Variants in PNPLA8 observed in about 807,000 individuals in gnomAD.
PNPLA8 encodes the protein calcium-independent phospholipase A2-gamma.
PNPLA8 carries 39 observed loss-of-function variants against 76.9 expected under a neutral mutation model. That is an observed-to-expected ratio of 0.51 (90% confidence interval 0.39 to 0.66). PNPLA8 has a LOEUF of 0.66. Ranked by LOEUF, PNPLA8 falls within the 30% of genes least tolerant of loss-of-function variation. PNPLA8 has a pLI of 0.00. For missense variants in PNPLA8, 887 were observed against 918.0 expected (o/e 0.97, Z 0.44); for synonymous variants, 301 against 307.9 (o/e 0.98, Z 0.24).
chr7:108,497,477 AATT>A lies in PNPLA8; in HGVS notation c.1453+3_1453+5del, dbSNP rs1171250933. ...GAATGCACCACTTCCATATAATAAT[AATT>A]ACCTGTGCTTACACCACAAATGTAA... On this transcript the variant is annotated splice_donor_5th_base_variant and intron_variant, in intron 6 of 10. Coordinates refer to ENST00000257694, the MANE Select transcript of PNPLA8 (RefSeq NM_001256007.3). The A allele has an allele frequency of 6.5e-7, 1 of 1,546,774 alleles. No individual in the cohort carries two copies. The highest frequency in any genetic ancestry group is 2.3e-5 in the East Asian group (1 of 44,128).
At chr7:108,487,655 A>G in intron 9 of PNPLA8, 104 bp downstream of exon 9, 1 of 559,516 alleles carries the variant, frequency 1.8e-6, no homozygotes, top group Non-Finnish European at 3.0e-6. Context: ...CACAAAGAAG[A>G]AAGTCTCCTA....
At chr7:108,472,874 A>C (rs1859722522) in intron 10 of PNPLA8, among the ~76,000 whole-genome samples, 199 bp from the exon 11 acceptor site, 1 of 152,184 alleles carries the variant, frequency 6.6e-6, no homozygotes, top group South Asian at 2.1e-4. Flanking sequence ...CATCTTCCAA[A>C]ATACATTATT....
intron 9 of PNPLA8, among the ~76,000 whole-genome samples, chr7:108,486,973 T>C (rs1230143770): frequency 5.3e-5 from 8 of 152,100 alleles, no homozygotes; most frequent in Non-Finnish European, 1.0e-4. Flanking sequence ...AAAAATTATA[T>C]ATAAAAATGC....
At chr7:108,481,261 G>A (rs572316520) in intron 9 of PNPLA8, among the ~76,000 whole-genome samples, 14 of 152,174 alleles carry the variant, frequency 9.2e-5, no homozygotes, top group Non-Finnish European at 1.8e-4. Flanking sequence ...GTAAGTATAC[G>A]TTTAACTTTA....
intron 10 of PNPLA8, among the ~76,000 whole-genome samples, chr7:108,477,345 A>C (rs571389107): frequency 6.6e-6 from 1 of 152,334 alleles, no homozygotes; most frequent in South Asian, 2.1e-4. Context: ...TCAGATAGTG[A>C]AAAATCTAGC....
At chr7:108,526,565 G>T (rs922936961), upstream of PNPLA8, among the ~76,000 whole-genome samples, 25 of 152,352 alleles carry the variant, frequency 1.6e-4, no homozygotes, top group African/African-American at 5.3e-4. Flanking sequence ...GCCCCTGCCT[G>T]CGCTGAGTTC....
intron 4 of PNPLA8, among the ~76,000 whole-genome samples, chr7:108,503,727 G>A (rs1862129766): frequency 6.6e-6 from 1 of 152,272 alleles, no homozygotes; most frequent in South Asian, 2.1e-4. Context: ...GTAAACTATA[G>A]CTTTTCTTCC....
At position 108,514,990 on chromosome 7, in the gene PNPLA8, T is replaced by C; in HGVS notation, c.502A>G (p.Ser168Gly). The C allele has an allele frequency of 6.2e-7, 1 of 1,607,780 alleles. No individual in the cohort carries two copies. ...KKYSDKSAEK[S>G]PFPEEKSHII... ...TGACTTTTCTCTTCTGGAAAAGGAC[T>C]CTTTTCTGCTGATTTGTCACTATAT... Residue 168 changes from serine (S) to glycine (G), a missense_variant, in exon 3 of 11, where the codon AGT becomes GGT. By Grantham distance (56) the Ser-to-Gly change is moderately conservative (BLOSUM62 0). Coordinates refer to ENST00000257694, the MANE Select transcript of PNPLA8 (RefSeq NM_001256007.3).
At chr7:108,519,891 T>C (rs1292313604) in intron 2 of PNPLA8, among the ~76,000 whole-genome samples, 2 of 152,126 alleles carry the variant, frequency 1.3e-5, no homozygotes, top group African/African-American at 4.8e-5. Flanking sequence ...CAAAGGACAC[T>C]TTCACAAGAT....
intron 10 of PNPLA8, among the ~76,000 whole-genome samples, chr7:108,478,340 A>G (rs1183366162): frequency 6.6e-6 from 1 of 152,094 alleles, no homozygotes; most frequent in Non-Finnish European, 1.5e-5. Flanking sequence ...ACTGTAGAGA[A>G]GGTACACACT....
chr7:108,487,589 TA>T (rs752763861), intron 9 of PNPLA8, among the ~76,000 whole-genome samples, 169 bp downstream of exon 9: 51 of 152,312 alleles, frequency 3.3e-4, no homozygotes, highest in Admixed American at 1.0e-3. Flanking sequence ...AGAGGCTTGT[TA>T]AGAAAAACAA....
In PNPLA8 at chr7:108,472,282, G is replaced by T; in HGVS notation, c.*119C>A. ...CTGGTTGAAGCACCGTCTTTTTCAG[G>T]ATTCTCCAGAATTCATACGTATTTC... is the stretch of plus-strand genomic sequence containing the variant. On this transcript the variant is annotated 3_prime_UTR_variant, in exon 11 of 11. Transcript: ENST00000257694. The T allele has an allele frequency of 1.4e-6, 1 of 692,170 alleles. No homozygotes were observed. Among genetic ancestry groups the T allele is most frequent in the Non-Finnish European group, 2.4e-6 (1 of 413,482 alleles). The allele number at this position is 692,170 out of a possible 1,614,324, so 42.9% of individuals were successfully genotyped here.
chr7:108,493,567 G>GATT lies in PNPLA8; in HGVS notation c.1626-2101_1626-2100insAAT, dbSNP rs1563951361. Reference sequence around the variant, plus strand: ...CTACAGGCGCCCGCCCCCATGCCTGGCTTTTTTTTTTTTTTTTTTTTTTTT... The same window carrying GATT: ...CTACAGGCGCCCGCCCCCATGCCTGGATTCTTTTTTTTTTTTTTTTTTTTTTTT... On this transcript the variant is annotated intron_variant, in intron 7 of 10. Transcript: ENST00000257694. 4.4e-3 allele frequency among the ~76,000 whole-genome samples: 466 copies of GATT among 105,624 alleles called. 5 individuals are homozygous for GATT. The highest frequency in any genetic ancestry group is 0.016 in the African/African-American group (442 of 27,902). 69.3% of individuals were successfully genotyped at this position (105,624 alleles called of 152,430 possible). A position where few individuals can be genotyped will look rare whatever the true frequency, so the allele number is the denominator to read the frequency against.
chr7:108,494,615 G>T (rs1322982049), intron 7 of PNPLA8, among the ~76,000 whole-genome samples: 1 of 152,124 alleles, frequency 6.6e-6, no homozygotes, highest in Admixed American at 6.5e-5. Flanking sequence ...CTGTTGATGG[G>T]CACCTACCTA....
At chr7:108,477,317 T>G (rs562598250) in intron 10 of PNPLA8, among the ~76,000 whole-genome samples, 1 of 152,344 alleles carries the variant, frequency 6.6e-6, no homozygotes, top group African/African-American at 2.4e-5. Context: ...AGTATTTTAC[T>G]GATCTGGCAA....
chr7:108,511,470 A>G (rs931975420), intron 4 of PNPLA8, among the ~76,000 whole-genome samples: 1 of 152,228 alleles, frequency 6.6e-6, no homozygotes, highest in African/African-American at 2.4e-5. Context: ...AACTCAATCA[A>G]GCCATTATAT....
chr7:108,474,184 CTT>C (rs1227260397), intron 10 of PNPLA8, among the ~76,000 whole-genome samples: 1 of 152,152 alleles, frequency 6.6e-6, no homozygotes, highest in Non-Finnish European at 1.5e-5. Context: ...TAATTTATCT[CTT>C]TCTTTCCTTT....
Position 108,479,397 on chromosome 7 carries a change from A to G in PNPLA8, c.1879-18T>C, listed in dbSNP as rs778026861. ...CCTCCATCCTGCAAAATACAAGTTAAAAAAAGAAACTTTTAAAACTGACTC... is the reference window on the plus strand; with the variant it reads ...CCTCCATCCTGCAAAATACAAGTTAGAAAAAGAAACTTTTAAAACTGACTC... On this transcript the variant is annotated intron_variant, in intron 9 of 10. Transcript: ENST00000257694. 31 of 1,572,774 alleles carry G rather than the reference A, an allele frequency of 2.0e-5. 1 individual carries two copies. In the South Asian group the frequency reaches 3.5e-4, roughly 18 times the overall value.
intron 7 of PNPLA8, among the ~76,000 whole-genome samples, chr7:108,493,349 A>G (rs1290187210): frequency 6.6e-6 from 1 of 152,120 alleles, no homozygotes; most frequent in African/African-American, 2.4e-5. Context: ...ATAAATTTTT[A>G]AATTTTCATT....
Sources: gnomAD v4.1 joint callset for allele counts (sites outside exome capture counted in the v4.1 genomes callset) on GRCh38, gnomAD v4.1.1 for gene constraint, MANE v1.5 for transcripts, NCBI Gene and HGNC (gene_info 2026-07-23, HGNC 2026-07-21) for gene names.